The following ESYT2 variants were observed in gnomAD, a reference collection of about 807,000 sequenced individuals.
The protein encoded by ESYT2 is extended synaptotagmin-2.
A neutral mutation model predicts 107.2 loss-of-function variants in ESYT2; 54 were observed. That is an observed-to-expected ratio of 0.50 (90% CI 0.40 to 0.63). The LOEUF is 0.63. Among genes scored for constraint, ESYT2 ranks in the 30% least tolerant of loss-of-function variants. The pLI, the probability that ESYT2 is intolerant of heterozygous loss-of-function variation, is 0.00. For synonymous variants in ESYT2, 491 were observed against 434.1 expected (o/e 1.13, Z -1.63); for missense variants, 1,020 against 1,094.5 (o/e 0.93, Z 0.96).
chr7:158,809,470 A>T (rs1839929904), intron 1 of ESYT2, among the ~76,000 whole-genome samples: 1 of 92,496 alleles, frequency 1.1e-5, no homozygotes, highest in African/African-American at 3.9e-5. Flanking sequence ...GTAAGAATCC[A>T]TCTCAAAAAA....
Position 158,734,224 on chromosome 7 carries a change from G to A in ESYT2, c.2584C>T (p.Pro862Ser), listed in dbSNP as rs1449655145. The change falls in exon 23 of 23, where the codon CCT becomes TCT. Residue 862 changes from proline to serine, a missense_variant. Transcript: ENST00000275418. The part of the protein sequence containing the change: ...WYDLTEDGTR[P>S]QAMT Reference sequence around the variant, plus strand: ...TGCTGCGGCTATGTCATCGCCTGAGGCCTCGTCCCATCTTCCGTGAGGTCA... The same window carrying A: ...TGCTGCGGCTATGTCATCGCCTGAGACCTCGTCCCATCTTCCGTGAGGTCA... 6 of 1,614,122 alleles carry A rather than the reference G, an allele frequency of 3.7e-6. No individual in the cohort carries two copies. The East Asian group carries it at 8.9e-5, about 24-fold the overall frequency.
At chr7:158,762,889 CACTT>C (rs1838021607) in intron 10 of ESYT2, among the ~76,000 whole-genome samples, 190 bp downstream of exon 10, 1 of 152,308 alleles carries the variant, frequency 6.6e-6, no homozygotes, top group African/African-American at 2.4e-5. Context: ...CTAGAAGACT[CACTT>C]CTCTTAAATG....
At chr7:158,822,574 G>A (rs1840315775) in intron 1 of ESYT2, among the ~76,000 whole-genome samples, 1 of 152,034 alleles carries the variant, frequency 6.6e-6, no homozygotes, top group African/African-American at 2.4e-5. Flanking sequence ...ACCAGCCTGG[G>A]CAACATAGCA....
rs1021841769 is a variant in ESYT2 at position 158,813,736 on chromosome 7, T to C, written c.331-14664A>G. 6.2e-4 allele frequency among the ~76,000 whole-genome samples: 94 copies of C among 152,268 alleles called. 1 individual carries two copies. The highest frequency in any genetic ancestry group is 2.2e-3 in the African/African-American group (90 of 41,542). ...CAAAGACCAAGGGAGAGCACCTCTG[T>C]TCCTCGTCCCGATGACTCTCACAGA... On this transcript the variant is annotated intron_variant, in intron 1 of 22. Transcript: ENST00000275418.
rs142175165 is a variant in ESYT2, at chr7:158,759,556, T to C, written c.1349A>G (p.Lys450Arg). 4 of 1,612,272 alleles carry C rather than the reference T, an allele frequency of 2.5e-6. No homozygotes were observed. The African/African-American group carries it at 5.3e-5, about 22-fold the overall frequency. ...GGAAAGACCATCGTTGGCTTGGTCT[T>C]TGTCAGCTTTGATGTCTGTTAGCAC... is the stretch of plus-strand genomic sequence containing the variant. ...DKVLTDIKADKDQANDGLSSA... is the reference protein window; with the variant it reads ...DKVLTDIKADRDQANDGLSSA... Residue 450 changes from lysine (K) to arginine (R), a missense_variant, in exon 13 of 23, where the codon AAA (lysine) becomes AGA (arginine). Transcript: ENST00000275418.
chr7:158,810,681 T>TG (rs1305036080), intron 1 of ESYT2, among the ~76,000 whole-genome samples: 6 of 144,308 alleles, frequency 4.2e-5, no homozygotes, highest in East Asian at 2.8e-4. Flanking sequence ...GACCCTGTCT[T>TG]GGGGGGGAAA....
chr7:158,773,366 T>G lies in ESYT2; in HGVS notation c.778A>C (p.Asn260His). 1 of 1,614,190 alleles carries G rather than the reference T, an allele frequency of 6.2e-7. No individual in the cohort carries two copies. Among genetic ancestry groups the G allele is most frequent in the Non-Finnish European group, 8.5e-7 (1 of 1,180,034 alleles). Residue 260 changes from asparagine to histidine, a missense_variant, in exon 7 of 23, where the codon AAT becomes CAT. Coordinates refer to ENST00000275418, the MANE Select transcript of ESYT2 (RefSeq NM_001367773.1). The stretch of plus-strand genomic sequence containing the variant: ...TTCAATCCAGGGACATCCAGAAGAT[T>G]CGTCAGTCCTGTCCAGTTAATTTCT... ...LLEINWTGLT[N>H]LLDVPGLNGL... is the part of the protein sequence containing the mutation.
At chr7:158,792,573 T>C (rs1295918676) in intron 4 of ESYT2, among the ~76,000 whole-genome samples, 1 of 145,646 alleles carries the variant, frequency 6.9e-6, no homozygotes, top group Non-Finnish European at 1.5e-5. Context: ...CATACATATA[T>C]ATAAATATAT....
At chr7:158,767,375 A>G (rs1457384308) in intron 8 of ESYT2, among the ~76,000 whole-genome samples, 1 of 152,236 alleles carries the variant, frequency 6.6e-6, no homozygotes, top group Non-Finnish European at 1.5e-5. Context: ...TGTCCGTGCC[A>G]TGTACCCCTG....
chr7:158,785,614 T>C (rs1326008962), intron 6 of ESYT2, among the ~76,000 whole-genome samples: 8 of 152,158 alleles, frequency 5.3e-5, no homozygotes, highest in Non-Finnish European at 8.8e-5. Context: ...TTGTGTGAGG[T>C]AGGTATTACT....
chr7:158,753,502 T>C (rs764809308), intron 13 of ESYT2, among the ~76,000 whole-genome samples: 6 of 152,198 alleles, frequency 3.9e-5, no homozygotes, highest in Non-Finnish European at 7.3e-5. Flanking sequence ...CTGAGTTGTT[T>C]TGCAAGCTCC....
intron 8 of ESYT2, among the ~76,000 whole-genome samples, chr7:158,765,421 T>C (rs1423052967): frequency 3.9e-5 from 6 of 152,230 alleles, no homozygotes; most frequent in Middle Eastern, 6.3e-3. Context: ...CTTTGAAATA[T>C]GTATTATTCA....
intron 6 of ESYT2, among the ~76,000 whole-genome samples, chr7:158,777,422 G>A (rs1299278375): frequency 1.3e-5 from 2 of 152,168 alleles, no homozygotes; most frequent in Non-Finnish European, 2.9e-5. Context: ...TGTGTTGAGG[G>A]AGGGACCTGG....
chr7:158,736,176 G>A (rs1428604714), intron 20 of ESYT2, among the ~76,000 whole-genome samples: 1 of 152,228 alleles, frequency 6.6e-6, no homozygotes, highest in South Asian at 2.1e-4. Flanking sequence ...GGCAAGTGGA[G>A]TCTCCAGACG....
At chr7:158,813,476 G>GT (rs1840044624) in intron 1 of ESYT2, among the ~76,000 whole-genome samples, 1 of 152,210 alleles carries the variant, frequency 6.6e-6, no homozygotes, top group Admixed American at 6.5e-5. Flanking sequence ...AAAGGAAGTT[G>GT]TAAGAAGGGA....
intron 18 of ESYT2, among the ~76,000 whole-genome samples, chr7:158,739,634 C>G (rs1837120154): frequency 6.6e-6 from 1 of 152,196 alleles, no homozygotes; most frequent in Admixed American, 6.5e-5. Flanking sequence ...AGGCGTGAGC[C>G]ATCGCGTCCA....
intron 1 of ESYT2, among the ~76,000 whole-genome samples, chr7:158,828,708 G>T (rs1324061692): frequency 2.6e-5 from 4 of 152,208 alleles, no homozygotes; most frequent in Non-Finnish European, 4.4e-5. Context: ...GGCGAGCAGC[G>T]GGCGGCGGCC....
At chr7:158,801,042 C>T (rs963665350) in intron 1 of ESYT2, among the ~76,000 whole-genome samples, 1 of 151,778 alleles carries the variant, frequency 6.6e-6, no homozygotes, top group African/African-American at 2.4e-5. Context: ...GTGATGGACA[C>T]GAGCACGGGA....
rs779084415 is a variant in ESYT2 at position 158,764,797 on chromosome 7, G to A, written c.981C>T (p.Tyr327=). The A allele has an allele frequency of 3.1e-6, 5 of 1,614,036 alleles. No homozygotes were observed. The Admixed American group carries it at 6.7e-5, about 22-fold the overall frequency. Residue 327 remains tyrosine (Y), a synonymous_variant, in exon 9 of 23, where the codon TAC becomes TAT. Transcript: ENST00000275418. Reference sequence around the variant, plus strand: ...ACTTTCCCTTGACAAGTCCCTTAAGGTAAGTGTCTTTCCCCTGAAGATCCT... The same window carrying A: ...ACTTTCCCTTGACAAGTCCCTTAAGATAAGTGTCTTTCCCCTGAAGATCCT... ...EAQDLQGKDT[Y]LKGLVKGKSD... is the part of the protein sequence containing the mutation.
Sources: allele counts gnomAD v4.1 joint callset (sites outside exome capture counted in the v4.1 genomes callset), GRCh38; gene constraint gnomAD v4.1.1; transcripts MANE v1.5; gene names NCBI Gene and HGNC (gene_info 2026-07-23, HGNC 2026-07-21).